Variants in CRADD observed in about 807,000 individuals in gnomAD.
The protein encoded by CRADD is CARD and death domain containing adaptor protein, also known as death domain-containing protein CRADD.
CRADD carries 9 observed loss-of-function variants against 15.5 expected under a neutral mutation model. That is an observed-to-expected ratio of 0.58 (90% CI 0.35 to 1.01). CRADD has a LOEUF of 1.01. Among genes scored for constraint, CRADD ranks in the 50% least tolerant of loss-of-function variants. The pLI is 0.02. For missense variants in CRADD, 227 were observed against 250.3 expected, an observed-to-expected ratio of 0.91 and a Z score of 0.63; for synonymous variants, 118 against 107.6, an observed-to-expected ratio of 1.10 and a Z score of -0.60.
chr12:93,744,461 T>A (rs1399766349), intron 2 of CRADD, among the ~76,000 whole-genome samples: 1 of 152,218 alleles, frequency 6.6e-6, no homozygotes, highest in Non-Finnish European at 1.5e-5. Flanking sequence ...GTGATTACAG[T>A]GGCCCAACTG....
chr12:93,865,807 G>C (rs778030894), intron 2 of CRADD, among the ~76,000 whole-genome samples: 4 of 136,824 alleles, frequency 2.9e-5, no homozygotes, highest in African/African-American at 5.5e-5. Flanking sequence ...TTGTATTATT[G>C]TTATTGTTGT....
At chr12:93,685,823 T>G (rs1028080040) in intron 2 of CRADD, among the ~76,000 whole-genome samples, 25 of 151,166 alleles carry the variant, frequency 1.7e-4, no homozygotes, top group African/African-American at 6.1e-4. Flanking sequence ...GAAACCCCCA[T>G]CTCTACTTAA....
intron 2 of CRADD, among the ~76,000 whole-genome samples, chr12:93,719,996 T>C (rs1235410874): frequency 1.3e-5 from 2 of 152,124 alleles, no homozygotes; most frequent in Non-Finnish European, 1.5e-5. Context: ...AATTTGCTTT[T>C]CTTTTTCTAG....
At chr12:93,863,612 G>A (rs560683270) in intron 2 of CRADD, among the ~76,000 whole-genome samples, 1 of 144,732 alleles carries the variant, frequency 6.9e-6, no homozygotes, top group Non-Finnish European at 1.5e-5. Flanking sequence ...GTGTGTGTGT[G>A]TGTGTGTGTG....
chr12:93,682,446 G>A (rs1300149066), intron 2 of CRADD, among the ~76,000 whole-genome samples: 1 of 152,142 alleles, frequency 6.6e-6, no homozygotes. Flanking sequence ...GGAAGGAATG[G>A]CCTTCTTTTT....
chr12:93,885,804 C>T (rs375181606), intron 2 of CRADD, among the ~76,000 whole-genome samples: 10 of 152,086 alleles, frequency 6.6e-5, no homozygotes, highest in African/African-American at 2.2e-4. Flanking sequence ...TTTGGGAGGC[C>T]GAGGCAGGTG....
At chr12:93,737,140 A>G (rs1487907948) in intron 2 of CRADD, among the ~76,000 whole-genome samples, 1 of 152,190 alleles carries the variant, frequency 6.6e-6, no homozygotes, top group Non-Finnish European at 1.5e-5. Flanking sequence ...TGCTATGTGA[A>G]CAAGGTTGCA....
At chr12:93,803,705 A>G (rs1054118756) in intron 2 of CRADD, among the ~76,000 whole-genome samples, 1 of 150,848 alleles carries the variant, frequency 6.6e-6, no homozygotes, top group African/African-American at 2.4e-5. Flanking sequence ...TGGTAGGCAG[A>G]CTAATGTCCC....
chr12:93,727,787 G>T (rs1226684623), intron 2 of CRADD, among the ~76,000 whole-genome samples: 1 of 152,162 alleles, frequency 6.6e-6, no homozygotes, highest in Non-Finnish European at 1.5e-5. Flanking sequence ...GACATGGAAG[G>T]CAGGGTGCAC....
intron 2 of CRADD, among the ~76,000 whole-genome samples, chr12:93,711,768 T>C (rs113086187): frequency 2.0e-5 from 3 of 151,878 alleles, no homozygotes; most frequent in Non-Finnish European, 4.4e-5. Flanking sequence ...TTTTTTTTTT[T>C]TTCTGGAGAC....
chr12:93,837,036 G>A (rs572855852), intron 2 of CRADD, among the ~76,000 whole-genome samples: 1 of 152,294 alleles, frequency 6.6e-6, no homozygotes, highest in East Asian at 1.9e-4. Flanking sequence ...ATTTGGTGAA[G>A]GGGTCAGTGA....
At chr12:93,694,679 T>C (rs1324580732) in intron 2 of CRADD, among the ~76,000 whole-genome samples, 1 of 152,100 alleles carries the variant, frequency 6.6e-6, no homozygotes, top group Non-Finnish European at 1.5e-5. Context: ...CAGCAAACTA[T>C]TTGAAAAAGA....
chr12:93,852,838 TGTG>T (rs1958239912), downstream of CRADD, among the ~76,000 whole-genome samples: 1 of 58,290 alleles, frequency 1.7e-5, no homozygotes, highest in South Asian at 4.2e-4. Context: ...TGGGTTGGAG[TGTG>T]TGTGTGTGTG....
Position 93,697,540 on chromosome 12 carries a change from A to G in CRADD, c.298+18468A>G, listed in dbSNP as rs552017511. On this transcript the variant is annotated intron_variant, in intron 2 of 2. Transcript: ENST00000332896. ...ATGGACTGCCAGTTTTCGTATTTCA[A>G]AACATCATGTTATACACGATAAACG... is the stretch of plus-strand genomic sequence containing the variant. Among the ~76,000 whole-genome samples, 9 of 152,340 alleles carry G rather than the reference A, an allele frequency of 5.9e-5. No individual in the cohort carries two copies. In the East Asian group the frequency reaches 1.5e-3, roughly 26 times the overall value.
intron 2 of CRADD, among the ~76,000 whole-genome samples, chr12:93,858,434 G>T (rs189840392): frequency 5.3e-5 from 8 of 152,330 alleles, no homozygotes; most frequent in Admixed American, 4.6e-4. Flanking sequence ...AAGGGCAGAA[G>T]ATTTCTTAAC....
At chr12:93,889,904 A>C (rs578139066) in intron 2 of CRADD, among the ~76,000 whole-genome samples, 13 of 152,168 alleles carry the variant, frequency 8.5e-5, no homozygotes, top group Admixed American at 4.6e-4. Context: ...TTTTTCTAAA[A>C]GACAACTTGA....
At chr12:93,681,127 G>A (rs781581018) in intron 2 of CRADD, among the ~76,000 whole-genome samples, 12 of 151,680 alleles carry the variant, frequency 7.9e-5, no homozygotes, top group Middle Eastern at 6.8e-3. Flanking sequence ...CAGGTGATCC[G>A]CCCACCTCGG....
At chr12:93,778,383 A>C (rs1957162813) in intron 2 of CRADD, among the ~76,000 whole-genome samples, 1 of 152,242 alleles carries the variant, frequency 6.6e-6, no homozygotes, top group African/African-American at 2.4e-5. Flanking sequence ...GCACATGCGC[A>C]CGAGTTGAAT....
At chr12:93,859,425 G>A (rs958659022) in intron 2 of CRADD, 6 of 446,920 alleles carry the variant, frequency 1.3e-5, no homozygotes, top group Non-Finnish European at 1.8e-5. Flanking sequence ...CCTGTGTGGA[G>A]TAACTGGGAA....
Sources: allele counts gnomAD v4.1 joint callset (sites outside exome capture counted in the v4.1 genomes callset), GRCh38; gene constraint gnomAD v4.1.1; transcripts MANE v1.5; gene names NCBI Gene and HGNC (gene_info 2026-07-23, HGNC 2026-07-21).